KIAA0825: variants seen among roughly 807,000 people sequenced by gnomAD.
KIAA0825 encodes uncharacterized protein KIAA0825.
A neutral mutation model predicts 147.6 loss-of-function variants in KIAA0825; 119 were observed. The ratio of observed to expected loss-of-function variants is 0.81; its 90% CI spans 0.69 to 0.94. The LOEUF is 0.94. Ranked by LOEUF, KIAA0825 falls within the 40% of genes least tolerant of loss-of-function variation. The pLI, the probability that KIAA0825 is intolerant of heterozygous loss-of-function variation, is 0.00. For missense variants in KIAA0825, 1,381 were observed against 1,472.7 expected, an observed-to-expected ratio of 0.94 and a Z score of 1.02; for synonymous variants, 470 against 518.1, an observed-to-expected ratio of 0.91 and a Z score of 1.26.
intron 1 of KIAA0825, among the ~76,000 whole-genome samples, chr5:94,609,380 T>A (rs143401821): frequency 0.012 from 1,824 of 152,308 alleles, 32 homozygotes; most frequent in African/African-American, 0.041. Context: ...AAAGCTGTTT[T>A]TGTTAACATG....
chr5:94,476,043 A>G (rs987185368), intron 7 of KIAA0825, among the ~76,000 whole-genome samples: 1 of 152,112 alleles, frequency 6.6e-6, no homozygotes, highest in African/African-American at 2.4e-5. Flanking sequence ...TTGAATCTCT[A>G]TTTCTATTAT....
chr5:94,560,390 C>T (rs1374425956), intron 2 of KIAA0825, among the ~76,000 whole-genome samples: 1 of 152,218 alleles, frequency 6.6e-6, no homozygotes, highest in African/African-American at 2.4e-5. Context: ...ACTGGCTTCT[C>T]TTCCTACCTT....
chr5:94,526,403 T>TATAATCCTGAA (rs1769286060), intron 3 of KIAA0825, among the ~76,000 whole-genome samples: 1 of 151,952 alleles, frequency 6.6e-6, no homozygotes, highest in Non-Finnish European at 1.5e-5. Flanking sequence ...AAGTAATGTT[T>TATAATCCTGAA]TATTTCTTAA....
chr5:94,431,636 C>A (rs1157532972), intron 14 of KIAA0825, among the ~76,000 whole-genome samples: 1 of 152,140 alleles, frequency 6.6e-6, no homozygotes, highest in Non-Finnish European at 1.5e-5. Flanking sequence ...GCCAGGTAAA[C>A]AGAGACAAGA....
At chr5:94,532,837 A>G (rs906725339) in intron 3 of KIAA0825, among the ~76,000 whole-genome samples, 1 of 151,820 alleles carries the variant, frequency 6.6e-6, no homozygotes, top group African/African-American at 2.4e-5. Context: ...AAAAAAAAAA[A>G]AAAGTAGTCC....
intron 20 of KIAA0825, among the ~76,000 whole-genome samples, chr5:94,171,493 G>A (rs918084047): frequency 5.9e-5 from 9 of 152,212 alleles, no homozygotes; most frequent in African/African-American, 1.9e-4. Context: ...GTTGTATGAG[G>A]GTAGAGACCT....
intron 16 of KIAA0825, 120 bp from the exon 17 acceptor site, chr5:94,396,629 C>T (rs308206): frequency 0.47 from 317,691 of 679,892 alleles, 76,953 homozygotes; most frequent in South Asian, 0.51. Context: ...GATCAAGTGC[C>T]TGACATATTC....
chr5:94,600,568 A>G (rs1010230830), intron 1 of KIAA0825, among the ~76,000 whole-genome samples: 3 of 152,130 alleles, frequency 2.0e-5, no homozygotes, highest in Non-Finnish European at 4.4e-5. Flanking sequence ...TCCAATATAT[A>G]TTTAGTATTA....
In KIAA0825 at chr5:94,616,938, G is replaced by C. The variant is rs570978048; in HGVS notation, c.-153+1562C>G. Among the ~76,000 whole-genome samples the C allele has an allele frequency of 1.4e-3, 220 of 152,252 alleles. 2 individuals are homozygous for C. The highest frequency in any genetic ancestry group is 5.1e-3 in the African/African-American group (213 of 41,554). On this transcript the variant is annotated intron_variant, in intron 1 of 20. Transcript: ENST00000682413. The stretch of plus-strand genomic sequence containing the variant: ...ATAAAGGTATAGAGCACAGTAAAAA[G>C]AGCCAAAATTTAGAGTCAGGTAGAC...
chr5:94,223,157 TG>T (rs1293347431), intron 20 of KIAA0825, among the ~76,000 whole-genome samples: 1 of 152,208 alleles, frequency 6.6e-6, no homozygotes, highest in East Asian at 1.9e-4. Flanking sequence ...TTTACCTTTT[TG>T]TTGTTGCTGT....
chr5:94,196,256 C>A (rs1771119707), intron 20 of KIAA0825, among the ~76,000 whole-genome samples: 1 of 152,156 alleles, frequency 6.6e-6, no homozygotes, highest in South Asian at 2.1e-4. Flanking sequence ...CAGCTCTACT[C>A]CCCTGCTAAT....
rs149222769 is a variant in KIAA0825, at chr5:94,555,673, C to A, written c.-1-18546G>T. Among the ~76,000 whole-genome samples, 312 of 152,246 alleles carry A rather than the reference C, an allele frequency of 2.0e-3. 2 individuals are homozygous for A. Among genetic ancestry groups the A allele is most frequent in the African/African-American group, 7.3e-3 (304 of 41,558 alleles). ...TCTGACATTGCTTTATTTTTCAATGCAGTTCTCTTTCTATATAATATTCTC... is the reference window on the plus strand; with the variant it reads ...TCTGACATTGCTTTATTTTTCAATGAAGTTCTCTTTCTATATAATATTCTC... On this transcript the variant is annotated intron_variant, in intron 2 of 20. Transcript: ENST00000682413.
intron 20 of KIAA0825, among the ~76,000 whole-genome samples, chr5:94,351,180 C>T (rs1252485486): frequency 6.6e-6 from 1 of 152,154 alleles, no homozygotes; most frequent in Non-Finnish European, 1.5e-5. Context: ...ACCCTAAGGA[C>T]TCCTCCAGAA....
chr5:94,269,551 T>A (rs549146549), intron 20 of KIAA0825, among the ~76,000 whole-genome samples: 31 of 152,134 alleles, frequency 2.0e-4, no homozygotes, highest in African/African-American at 7.0e-4. Context: ...AAACAATATG[T>A]TTCTGAGGGA....
In KIAA0825 at chr5:94,517,746, TTAAA is replaced by T. The variant is rs146156719; in HGVS notation, c.970+2498_970+2501del. On this transcript the variant is annotated intron_variant, in intron 5 of 20. Transcript: ENST00000682413. Reference sequence around the variant, plus strand: ...ATAAATTAAATTTATTTTAAATTATTTAAATAGTTTGGAGAAGAAGAAAACAATG... The same window carrying T: ...ATAAATTAAATTTATTTTAAATTATTTAGTTTGGAGAAGAAGAAAACAATG... 5.2e-3 allele frequency among the ~76,000 whole-genome samples: 787 copies of T among 151,572 alleles called. 4 individuals are homozygous for T. Among genetic ancestry groups the T allele is most frequent in the African/African-American group, 0.018 (758 of 41,450 alleles).
At chr5:94,311,807 GT>G (rs1779211147) in intron 20 of KIAA0825, among the ~76,000 whole-genome samples, 1 of 151,664 alleles carries the variant, frequency 6.6e-6, no homozygotes, top group Non-Finnish European at 1.5e-5. Context: ...CTACCAGGGA[GT>G]TTTTATTTGC....
intron 20 of KIAA0825, among the ~76,000 whole-genome samples, chr5:94,308,108 T>A (rs1778864480): frequency 6.6e-6 from 1 of 151,750 alleles, no homozygotes; most frequent in Non-Finnish European, 1.5e-5. Context: ...CAATACTAAA[T>A]CTTTCAGCAT....
intron 20 of KIAA0825, among the ~76,000 whole-genome samples, chr5:94,206,976 A>C (rs990336901): frequency 6.6e-6 from 1 of 152,194 alleles, no homozygotes; most frequent in Non-Finnish European, 1.5e-5. Context: ...GGTGGAAAGC[A>C]TATTTCCAAA....
intron 2 of KIAA0825, among the ~76,000 whole-genome samples, chr5:94,571,814 ATTTTG>A (rs1389975529): frequency 6.6e-6 from 1 of 152,238 alleles, no homozygotes; most frequent in East Asian, 1.9e-4. Context: ...GTACACTGAT[ATTTTG>A]TTTTGTTATC....
Sources: gnomAD v4.1 joint callset for allele counts (sites outside exome capture counted in the v4.1 genomes callset) on GRCh38, gnomAD v4.1.1 for gene constraint, MANE v1.5 for transcripts, NCBI Gene and HGNC (gene_info 2026-07-23, HGNC 2026-07-21) for gene names.